THSD7B: variants seen among roughly 807,000 people sequenced by gnomAD.
THSD7B encodes thrombospondin type-1 domain-containing protein 7B.
Under a neutral mutation model 213.6 loss-of-function variants are expected in THSD7B, and 138 were observed. The ratio of observed to expected loss-of-function variants is 0.65; its 90% confidence interval spans 0.56 to 0.74. The LOEUF (loss-of-function observed/expected upper bound fraction) is 0.74, where lower values mean the gene tolerates loss of function less well. THSD7B is among the 30% of genes least tolerant of loss of function. THSD7B has a pLI of 0.00. For synonymous variants in THSD7B, 742 were observed against 687.0 expected, an observed-to-expected ratio of 1.08 and a Z score of -1.25; for missense variants, 1,931 against 1,991.5, an observed-to-expected ratio of 0.97 and a Z score of 0.58.
At chr2:137,302,151 A>G (rs1287467525) in intron 12 of THSD7B, among the ~76,000 whole-genome samples, 2 of 152,120 alleles carry the variant, frequency 1.3e-5, no homozygotes, top group African/African-American at 2.4e-5. Context: ...GATGAGAGAT[A>G]TAATTTGGGT....
chr2:137,055,360 ACCACACT>A (rs1687144697), intron 2 of THSD7B, among the ~76,000 whole-genome samples: 1 of 152,186 alleles, frequency 6.6e-6, no homozygotes, highest in Non-Finnish European at 1.5e-5. Context: ...TTGAGGAATC[ACCACACT>A]GTCTTTCACT....
rs867549720 is a variant in THSD7B at position 137,163,791 on chromosome 2, C to T, written c.1525+3423C>T. 9.8e-5 allele frequency among the ~76,000 whole-genome samples: 15 copies of T among 152,324 alleles called. No homozygotes were observed. The East Asian group carries it at 1.2e-3, about 12-fold the overall frequency. On this transcript the variant is annotated intron_variant, in intron 6 of 27. Coordinates refer to ENST00000409968, the MANE Select transcript of THSD7B (RefSeq NM_001316349.2). ...TCAGCATTTAGGCTCAACAAGGATA[C>T]AGCACTTCACAAAATGACAACACCA...
chr2:137,275,748 G>C lies in THSD7B; in HGVS notation c.2397-175G>C, dbSNP rs374400085. The stretch of plus-strand genomic sequence containing the variant: ...CTGCCTAAATCATGAATCTGGGGTA[G>C]AGTGGACTATTGTCATTCTAGTGCT... On this transcript the variant is annotated intron_variant, in intron 11 of 27. Transcript: ENST00000409968. 3.5e-4 allele frequency among the ~76,000 whole-genome samples: 53 copies of C among 152,188 alleles called. No individual in the cohort carries two copies. In the East Asian group the frequency reaches 5.0e-3, roughly 14 times the overall value.
chr2:137,139,018 T>C (rs1181773026), intron 5 of THSD7B, among the ~76,000 whole-genome samples: 1 of 152,176 alleles, frequency 6.6e-6, no homozygotes, highest in Non-Finnish European at 1.5e-5. Context: ...ACTGAGCACA[T>C]CTTCCATTAT....
chr2:136,947,932 G>T (rs976955272), intron 2 of THSD7B, among the ~76,000 whole-genome samples: 1 of 152,118 alleles, frequency 6.6e-6, no homozygotes, highest in African/African-American at 2.4e-5. Context: ...CTGCATGGGG[G>T]TGTCCTGCAG....
chr2:137,161,344 C>T (rs930433934), intron 6 of THSD7B, among the ~76,000 whole-genome samples: 3 of 152,138 alleles, frequency 2.0e-5, no homozygotes, highest in Non-Finnish European at 2.9e-5. Context: ...GATCCAAGGA[C>T]ATTCCAGAAA....
At chr2:137,233,261 T>A in intron 9 of THSD7B, 128 bp downstream of exon 9, 1 of 846,304 alleles carries the variant, frequency 1.2e-6, no homozygotes, top group East Asian at 2.7e-5. Flanking sequence ...TTGTTGCTGT[T>A]TGACCATTAA....
At chr2:136,818,458 T>C (rs1002165006) in intron 1 of THSD7B, among the ~76,000 whole-genome samples, 1 of 151,150 alleles carries the variant, frequency 6.6e-6, no homozygotes, top group Non-Finnish European at 1.5e-5. Flanking sequence ...GATGACGAGT[T>C]AGTGGGTGCA....
intron 15 of THSD7B, among the ~76,000 whole-genome samples, chr2:137,520,166 G>C (rs1181004991): frequency 6.6e-6 from 1 of 152,070 alleles, no homozygotes; most frequent in Non-Finnish European, 1.5e-5. Context: ...CACATTTGTT[G>C]GGTGGCAGTA....
intron 7 of THSD7B, among the ~76,000 whole-genome samples, chr2:137,211,132 C>T (rs933321452): frequency 1.3e-5 from 2 of 151,830 alleles, no homozygotes; most frequent in African/African-American, 4.8e-5. Context: ...AAGGTATCGG[C>T]GTGACCTCAA....
chr2:137,108,256 T>C (rs985839963), intron 4 of THSD7B, among the ~76,000 whole-genome samples: 1 of 152,354 alleles, frequency 6.6e-6, no homozygotes, highest in African/African-American at 2.4e-5. Context: ...ACCCACACTT[T>C]TAAGCAATTC....
intron 10 of THSD7B, among the ~76,000 whole-genome samples, chr2:137,268,364 TCA>T (rs1682651144): frequency 6.8e-6 from 1 of 147,990 alleles, no homozygotes; most frequent in Admixed American, 6.8e-5. Context: ...CCAAGTATTC[TCA>T]TTGTTCAATT....
At chr2:137,578,659 G>GC (rs1681512177) in intron 17 of THSD7B, among the ~76,000 whole-genome samples, 1 of 152,112 alleles carries the variant, frequency 6.6e-6, no homozygotes, top group East Asian at 1.9e-4. Flanking sequence ...GAAGACACCA[G>GC]CCCCCACCCC....
intron 2 of THSD7B, among the ~76,000 whole-genome samples, chr2:136,882,723 C>T (rs1159665042): frequency 1.3e-5 from 2 of 152,144 alleles, no homozygotes; most frequent in South Asian, 2.1e-4. Flanking sequence ...TTATTAAATG[C>T]TTTCCAGCAT....
At chr2:137,475,030 ACT>A (rs1183710406) in intron 15 of THSD7B, among the ~76,000 whole-genome samples, 1 of 152,008 alleles carries the variant, frequency 6.6e-6, no homozygotes, top group Non-Finnish European at 1.5e-5. Context: ...AAAGAAAGAA[ACT>A]CTTTTCAGAC....
At chr2:137,250,101 A>G (rs551046073) in intron 10 of THSD7B, among the ~76,000 whole-genome samples, 3 of 152,326 alleles carry the variant, frequency 2.0e-5, no homozygotes, top group African/African-American at 7.2e-5. Flanking sequence ...TCAGCTACAG[A>G]AAGGCAAGCT....
chr2:137,187,647 A>G (rs1376793780), intron 7 of THSD7B, among the ~76,000 whole-genome samples: 1 of 152,206 alleles, frequency 6.6e-6, no homozygotes, highest in African/African-American at 2.4e-5. Context: ...AGTAACTACC[A>G]CTACCCCAGA....
chr2:136,935,829 G>T (rs893312630), intron 2 of THSD7B, among the ~76,000 whole-genome samples: 1 of 150,098 alleles, frequency 6.7e-6, no homozygotes, highest in Admixed American at 6.7e-5. Flanking sequence ...GGTATGCTTG[G>T]GCATATGCCA....
At chr2:136,844,425 G>A (rs899909098) in intron 1 of THSD7B, among the ~76,000 whole-genome samples, 3 of 150,550 alleles carry the variant, frequency 2.0e-5, no homozygotes, top group Non-Finnish European at 4.4e-5. Context: ...AGATTTTTCA[G>A]CAAAAGCTGG....
Sources: allele counts gnomAD v4.1 joint callset (sites outside exome capture counted in the v4.1 genomes callset), GRCh38; gene constraint gnomAD v4.1.1; transcripts MANE v1.5; gene names NCBI Gene and HGNC (gene_info 2026-07-23, HGNC 2026-07-21).